The following PEX13 variants were observed in gnomAD, a reference collection of about 807,000 sequenced individuals.
The protein encoded by PEX13 is peroxisome biogenesis factor 13.
In PEX13, 28 loss-of-function variants were observed where a neutral mutation model predicts 34.5. The observed-to-expected ratio is 0.81, with a 90% CI of 0.60 to 1.11. The LOEUF (loss-of-function observed/expected upper bound fraction) is 1.11. PEX13 is among the 50% of genes most tolerant of loss of function. The pLI is 0.00. For missense variants in PEX13, 550 were observed against 491.0 expected (o/e 1.12, Z -1.13); for synonymous variants, 177 against 175.1 (o/e 1.01, Z -0.09).
intron 2 of PEX13, among the ~76,000 whole-genome samples, chr2:61,045,387 G>T (rs1412824298): frequency 6.6e-6 from 1 of 152,038 alleles, no homozygotes; most frequent in Non-Finnish European, 1.5e-5. Context: ...TGGAAATTTT[G>T]TTTCCTCTTT....
chr2:61,042,367 T>C (rs1680638915), intron 2 of PEX13, among the ~76,000 whole-genome samples: 1 of 152,212 alleles, frequency 6.6e-6, no homozygotes, highest in Non-Finnish European at 1.5e-5. Flanking sequence ...ATGAGTAATA[T>C]ATACATTGTT....
chr2:61,032,863 A>C lies in PEX13; in HGVS notation c.787+750A>C, dbSNP rs187141842. ...CTATCAAGCTGATAGACCAGCTTGA[A>C]CAAAAGTATATAGGCAGAAAATATG... On this transcript the variant is annotated intron_variant, in intron 2 of 3. Transcript: ENST00000295030. Among the ~76,000 whole-genome samples the C allele has an allele frequency of 3.2e-3, 491 of 152,350 alleles. 5 individuals are homozygous for C. The highest frequency in any genetic ancestry group is 0.011 in the African/African-American group (453 of 41,590).
At chr2:61,032,853 A>G (rs1019808409) in intron 2 of PEX13, among the ~76,000 whole-genome samples, 2 of 152,220 alleles carry the variant, frequency 1.3e-5, no homozygotes, top group Non-Finnish European at 2.9e-5. Context: ...AAGCTGATAG[A>G]CCAGCTTGAA....
At chr2:61,031,261 C>T (rs932312389) in intron 1 of PEX13, among the ~76,000 whole-genome samples, 158 bp from the exon 2 acceptor site, 2 of 152,192 alleles carry the variant, frequency 1.3e-5, no homozygotes. Context: ...TACTACACTC[C>T]AGCTTGGGCA....
rs529256827 is a variant in PEX13 at position 61,040,267 on chromosome 2, C to T, written c.788-5459C>T. ...ATCCAAAGGATTATAAATCGTGCTA[C>T]TATAAAGACACATGCACACGTATGT... On this transcript the variant is annotated intron_variant, in intron 2 of 3. Transcript: ENST00000295030. Among the ~76,000 whole-genome samples the T allele has an allele frequency of 1.6e-4, 24 of 152,242 alleles. No individual in the cohort carries two copies. In the South Asian group the frequency reaches 5.0e-3, roughly 32 times the overall value.
At position 61,049,039 on chromosome 2, in the gene PEX13, A is replaced by G. The variant is rs2104814994; in HGVS notation, c.*269A>G. The G allele has an allele frequency of 1.1e-5, 5 of 443,570 alleles. No individual in the cohort carries two copies. The East Asian group carries it at 2.3e-4, about 20-fold the overall frequency. 27.5% of individuals were successfully genotyped at this position (443,570 alleles called of 1,614,324 possible). A position where few individuals can be genotyped will look rare whatever the true frequency, so the allele number is the denominator to read the frequency against. On this transcript the variant is annotated 3_prime_UTR_variant, in exon 4 of 4. Transcript: ENST00000295030. The stretch of plus-strand genomic sequence containing the variant: ...CTGCTGTCATTTTTATCTTATTTAA[A>G]TCTCTAGGTTTATTGGAAGAGTAAG...
Position 61,017,952 on chromosome 2 carries a change from C to A in PEX13, c.92+101C>A. 8 of 1,379,348 alleles carry A rather than the reference C, an allele frequency of 5.8e-6. No homozygotes were observed. In the South Asian group the frequency reaches 7.8e-5, roughly 13 times the overall value. 85.4% of individuals were successfully genotyped at this position (1,379,348 alleles called of 1,614,324 possible). A position where few individuals can be genotyped will look rare whatever the true frequency, so the allele number is the denominator to read the frequency against. ...GTTAGTGGAGGTATTCCCTTCCCCCCTTTAACCAATACCCAACCTTGGGGA... is the reference window on the plus strand; with the variant it reads ...GTTAGTGGAGGTATTCCCTTCCCCCATTTAACCAATACCCAACCTTGGGGA... On this transcript the variant is annotated intron_variant, in intron 1 of 3. Coordinates refer to ENST00000295030, the MANE Select transcript of PEX13 (RefSeq NM_002618.4).
chr2:61,032,991 T>C (rs993905527), intron 2 of PEX13, among the ~76,000 whole-genome samples: 1 of 152,206 alleles, frequency 6.6e-6, no homozygotes, highest in African/African-American at 2.4e-5. Context: ...ATTGGCATTA[T>C]GAGACTTAAT....
intron 2 of PEX13, among the ~76,000 whole-genome samples, chr2:61,042,551 G>T (rs1680641965): frequency 6.6e-6 from 1 of 151,966 alleles, no homozygotes; most frequent in South Asian, 2.1e-4. Flanking sequence ...TATGTTAAAT[G>T]GCTATACTAC....
chr2:61,030,927 ATCT>A (rs1680439084), intron 1 of PEX13, among the ~76,000 whole-genome samples: 1 of 152,090 alleles, frequency 6.6e-6, no homozygotes. Flanking sequence ...GGTGATGAAA[ATCT>A]TCTGAATTAG....
rs1358607905 is a variant in PEX13, at chr2:61,051,004, A to G, written c.*2234A>G. The G allele has an allele frequency of 6.6e-6, 1 of 152,384 alleles. No homozygotes were observed. 9.4% of individuals were successfully genotyped at this position (152,384 alleles called of 1,614,324 possible). A position where few individuals can be genotyped will look rare whatever the true frequency, so the allele number is the denominator to read the frequency against. On this transcript the variant is annotated 3_prime_UTR_variant, in exon 4 of 4. Coordinates refer to ENST00000295030, the MANE Select transcript of PEX13 (RefSeq NM_002618.4). ...AGATTAAAACATACAGGAACCAAGT[A>G]CATACCCAGCATAGAAGAACTTTAC... is the stretch of plus-strand genomic sequence containing the variant.
intron 2 of PEX13, among the ~76,000 whole-genome samples, chr2:61,045,097 T>G (rs1680685553): frequency 6.6e-6 from 1 of 152,220 alleles, no homozygotes; most frequent in Non-Finnish European, 1.5e-5. Context: ...TCTGGCCTAT[T>G]ACTCTCCCAA....
chr2:61,028,007 C>G (rs930617938), intron 1 of PEX13, among the ~76,000 whole-genome samples: 3 of 152,206 alleles, frequency 2.0e-5, no homozygotes, highest in Non-Finnish European at 4.4e-5. Flanking sequence ...AGTTCCACAT[C>G]TAATATTTGT....
chr2:61,045,406 G>T (rs1271251493), intron 2 of PEX13, among the ~76,000 whole-genome samples: 1 of 152,110 alleles, frequency 6.6e-6, no homozygotes, highest in Non-Finnish European at 1.5e-5. Context: ...TTTTATAAAA[G>T]TAATTGCCCA....
At chr2:61,038,924 C>T (rs1680576822) in intron 2 of PEX13, among the ~76,000 whole-genome samples, 1 of 152,196 alleles carries the variant, frequency 6.6e-6, no homozygotes. Flanking sequence ...GATACAAAAT[C>T]AGTGTGCAAA....
chr2:61,041,715 T>TGTCA (rs1320777499), intron 2 of PEX13, among the ~76,000 whole-genome samples: 1 of 152,094 alleles, frequency 6.6e-6, no homozygotes, highest in East Asian at 1.9e-4. Context: ...TGTGGGAGAT[T>TGTCA]GTCAGTTTTT....
At chr2:61,034,681 A>G (rs982049498) in intron 2 of PEX13, among the ~76,000 whole-genome samples, 1 of 152,210 alleles carries the variant, frequency 6.6e-6, no homozygotes, top group East Asian at 1.9e-4. Flanking sequence ...GGCAGGTCCC[A>G]TGCCCACGGA....
At chr2:61,036,617 T>A (rs1236999211) in intron 2 of PEX13, among the ~76,000 whole-genome samples, 3 of 152,190 alleles carry the variant, frequency 2.0e-5, no homozygotes, top group African/African-American at 7.2e-5. Context: ...CAAAAGCTTC[T>A]GAAGGAAGCA....
chr2:61,041,097 G>A (rs540544759), intron 2 of PEX13, among the ~76,000 whole-genome samples: 1 of 152,166 alleles, frequency 6.6e-6, no homozygotes, highest in Admixed American at 6.6e-5. Context: ...GATCGCTTAA[G>A]CCTGGCAAAT....
Sources: gnomAD v4.1 joint callset for allele counts (sites outside exome capture counted in the v4.1 genomes callset) on GRCh38, gnomAD v4.1.1 for gene constraint, MANE v1.5 for transcripts, NCBI Gene and HGNC (gene_info 2026-07-23, HGNC 2026-07-21) for gene names.